CHSY1: variants seen among roughly 807,000 people sequenced by gnomAD.
The protein encoded by CHSY1 is N-acetylgalactosaminyl-proteoglycan 3-beta-glucuronosyltransferase 1.
A neutral mutation model predicts 59.8 loss-of-function variants in CHSY1; 13 were observed. The ratio of observed to expected loss-of-function variants is 0.22; its 90% CI spans 0.14 to 0.35. The LOEUF is 0.35. CHSY1 is among the 10% of genes least tolerant of loss of function. CHSY1 has a pLI of 1.00. For synonymous variants in CHSY1, 459 were observed against 401.2 expected, an observed-to-expected ratio of 1.14 and a Z score of -1.72; for missense variants, 947 against 1,030.6, an observed-to-expected ratio of 0.92 and a Z score of 1.11.
intron 1 of CHSY1, among the ~76,000 whole-genome samples, chr15:101,249,986 C>T (rs1159923466): frequency 6.6e-6 from 1 of 152,190 alleles, no homozygotes; most frequent in Non-Finnish European, 1.5e-5. Context: ...CCTTCTTTCT[C>T]AGTCCTTTAC....
At chr15:101,213,872 C>G (rs112624565) in intron 2 of CHSY1, among the ~76,000 whole-genome samples, 5,532 of 152,272 alleles carry the variant, frequency 0.036, 320 homozygotes, top group African/African-American at 0.12. Flanking sequence ...CTCAATCATA[C>G]CTGAAAAATC....
chr15:101,204,247 A>G (rs1362798110), intron 2 of CHSY1, among the ~76,000 whole-genome samples: 1 of 152,088 alleles, frequency 6.6e-6, no homozygotes, highest in Non-Finnish European at 1.5e-5. Flanking sequence ...TAGCCTGGCC[A>G]ATATGGCGAA....
chr15:101,193,531 G>A (rs896368873), intron 2 of CHSY1, among the ~76,000 whole-genome samples: 4 of 152,242 alleles, frequency 2.6e-5, no homozygotes, highest in African/African-American at 9.6e-5. Flanking sequence ...CAGCTGCCCG[G>A]GAGCAGGCGA....
At chr15:101,182,721 G>C (rs569409429) in intron 2 of CHSY1, among the ~76,000 whole-genome samples, 72 of 152,282 alleles carry the variant, frequency 4.7e-4, no homozygotes, top group African/African-American at 1.6e-3. Context: ...CAGTACCATA[G>C]ATACCTAGAG....
chr15:101,224,770 CAA>C (rs2038823169), intron 2 of CHSY1, among the ~76,000 whole-genome samples: 1 of 152,214 alleles, frequency 6.6e-6, no homozygotes, highest in African/African-American at 2.4e-5. Context: ...CTATCCCAGA[CAA>C]CACCGCCTGA....
Position 101,177,010 on chromosome 15 carries a change from TAAC to T in CHSY1, c.*375_*377del, listed in dbSNP as rs1269738400. The T allele has an allele frequency of 5.8e-6, 1 of 171,070 alleles. No individual in the cohort carries two copies. Among genetic ancestry groups the T allele is most frequent in the Non-Finnish European group, 1.2e-5 (1 of 80,572 alleles). 10.6% of individuals were successfully genotyped at this position (171,070 alleles called of 1,614,324 possible). A position where few individuals can be genotyped will look rare whatever the true frequency, so the allele number is the denominator to read the frequency against. On this transcript the variant is annotated 3_prime_UTR_variant, in exon 3 of 3. Transcript: ENST00000254190. ...ACAAAAGGTAGAATCTGTGGAATGTTAACAATCACAACAGAACATTTACCAGAG... is the reference window on the plus strand; with the variant it reads ...ACAAAAGGTAGAATCTGTGGAATGTTAATCACAACAGAACATTTACCAGAG...
At chr15:101,240,003 T>C (rs146980853) in intron 1 of CHSY1, among the ~76,000 whole-genome samples, 310 of 152,330 alleles carry the variant, frequency 2.0e-3, no homozygotes, top group Middle Eastern at 0.014. Flanking sequence ...AGAAACCAAT[T>C]AATTTTAAAA....
At chr15:101,217,621 G>C (rs541326165) in intron 2 of CHSY1, among the ~76,000 whole-genome samples, 1 of 152,330 alleles carries the variant, frequency 6.6e-6, no homozygotes, top group Admixed American at 6.5e-5. Context: ...GGGATGGAGG[G>C]AGGGAGGACC....
intron 2 of CHSY1, among the ~76,000 whole-genome samples, chr15:101,200,593 C>A (rs911150098): frequency 2.4e-4 from 37 of 152,188 alleles, no homozygotes; most frequent in African/African-American, 8.4e-4. Context: ...CCAGCCCCTG[C>A]ACCCCCAGAT....
chr15:101,240,445 C>T (rs991355282), intron 1 of CHSY1, among the ~76,000 whole-genome samples: 1 of 152,230 alleles, frequency 6.6e-6, no homozygotes, highest in Non-Finnish European at 1.5e-5. Flanking sequence ...GCAAAGAACT[C>T]TCACTTAATT....
At chr15:101,230,216 C>T (rs112130939) in intron 2 of CHSY1, among the ~76,000 whole-genome samples, 1 of 152,096 alleles carries the variant, frequency 6.6e-6, no homozygotes, top group Non-Finnish European at 1.5e-5. Context: ...TGCTGAGCCG[C>T]CACGCCCGGC....
intron 2 of CHSY1, among the ~76,000 whole-genome samples, chr15:101,206,423 C>A (rs1452273489): frequency 1.3e-5 from 2 of 152,100 alleles, no homozygotes; most frequent in East Asian, 3.8e-4. Flanking sequence ...TACCCACAGG[C>A]AGGGGTAGCA....
chr15:101,224,918 C>A (rs2038824940), intron 2 of CHSY1, among the ~76,000 whole-genome samples: 1 of 152,200 alleles, frequency 6.6e-6, no homozygotes, highest in Non-Finnish European at 1.5e-5. Context: ...TTCGATGATG[C>A]CATCTTAAGA....
At chr15:101,227,089 T>C (rs968449082) in intron 2 of CHSY1, among the ~76,000 whole-genome samples, 4 of 152,216 alleles carry the variant, frequency 2.6e-5, no homozygotes, top group Admixed American at 6.5e-5. Flanking sequence ...ACAGTATTTA[T>C]GCAAGAAAAA....
intron 2 of CHSY1, among the ~76,000 whole-genome samples, chr15:101,198,754 C>A (rs1008071169): frequency 1.9e-4 from 29 of 152,234 alleles, no homozygotes; most frequent in African/African-American, 6.5e-4. Flanking sequence ...GGCCAAAATC[C>A]CCCATTAAAA....
intron 2 of CHSY1, among the ~76,000 whole-genome samples, chr15:101,197,756 G>C (rs1440209796): frequency 2.6e-5 from 4 of 152,172 alleles, no homozygotes; most frequent in Non-Finnish European, 5.9e-5. Flanking sequence ...CTTACGAATG[G>C]AAATACTTGT....
intron 2 of CHSY1, among the ~76,000 whole-genome samples, chr15:101,192,353 A>G (rs1035967171): frequency 6.6e-5 from 10 of 152,192 alleles, no homozygotes; most frequent in Admixed American, 2.0e-4. Flanking sequence ...CATGCCCAAT[A>G]AACAAGAGCT....
At chr15:101,202,944 C>T (rs898486350) in intron 2 of CHSY1, among the ~76,000 whole-genome samples, 2 of 152,290 alleles carry the variant, frequency 1.3e-5, no homozygotes, top group African/African-American at 4.8e-5. Flanking sequence ...CTAAATTCCA[C>T]ATTTCTTAAA....
chr15:101,223,786 C>T (rs1298888676), intron 2 of CHSY1, among the ~76,000 whole-genome samples: 2 of 132,046 alleles, frequency 1.5e-5, no homozygotes, highest in African/African-American at 6.4e-5. Flanking sequence ...GGGACTCAGG[C>T]CTCGTCTACT....
Sources: gnomAD v4.1 joint callset for allele counts (sites outside exome capture counted in the v4.1 genomes callset) on GRCh38, gnomAD v4.1.1 for gene constraint, MANE v1.5 for transcripts, NCBI Gene and HGNC (gene_info 2026-07-23, HGNC 2026-07-21) for gene names.